The following QKI variants were observed in gnomAD, a reference collection of about 807,000 sequenced individuals.
The protein encoded by QKI is QKI, KH domain containing RNA binding.
Under a neutral mutation model 39.0 loss-of-function variants are expected in QKI, and 10 were observed. That is an observed-to-expected ratio of 0.26 (90% CI 0.16 to 0.43). The LOEUF (loss-of-function observed/expected upper bound fraction) is 0.43. Among genes scored for constraint, QKI ranks in the 20% least tolerant of loss-of-function variants. The pLI, the probability that QKI is intolerant of heterozygous loss-of-function variation, is 1.00. For missense variants in QKI, 218 were observed against 428.0 expected, an observed-to-expected ratio of 0.51 and a Z score of 4.33; for synonymous variants, 204 against 155.4, an observed-to-expected ratio of 1.31 and a Z score of -2.33.
At chr6:163,480,847 A>T (rs916270880) in intron 3 of QKI, among the ~76,000 whole-genome samples, 4 of 152,226 alleles carry the variant, frequency 2.6e-5, no homozygotes, top group Non-Finnish European at 5.9e-5. Flanking sequence ...ATAAATCTGT[A>T]TGAAAAGATT....
At chr6:163,497,849 C>G (rs1264813431) in intron 3 of QKI, among the ~76,000 whole-genome samples, 2 of 152,042 alleles carry the variant, frequency 1.3e-5, no homozygotes, top group Non-Finnish European at 2.9e-5. Flanking sequence ...TGAAAACTTA[C>G]ATAGTCACCT....
chr6:163,556,516 A>AC (rs1307199641), intron 4 of QKI, among the ~76,000 whole-genome samples: 39 of 151,506 alleles, frequency 2.6e-4, no homozygotes, highest in African/African-American at 8.9e-4. Context: ...AAAAAAAAAA[A>AC]AAAAAAAACA....
intron 2 of QKI, among the ~76,000 whole-genome samples, 167 bp downstream of exon 2, chr6:163,455,588 A>G (rs1157378845): frequency 2.0e-5 from 3 of 152,216 alleles, no homozygotes; most frequent in Non-Finnish European, 4.4e-5. Flanking sequence ...TTCTCTCTAA[A>G]TATGTTTGCA....
chr6:163,526,030 A>G (rs1039398671), intron 3 of QKI, among the ~76,000 whole-genome samples: 1 of 152,218 alleles, frequency 6.6e-6, no homozygotes, highest in Non-Finnish European at 1.5e-5. Flanking sequence ...TCTAAGGAGC[A>G]CTTATTAGAA....
intron 1 of QKI, among the ~76,000 whole-genome samples, chr6:163,423,758 C>A (rs1562417871): frequency 2.6e-5 from 4 of 152,314 alleles, no homozygotes; most frequent in Admixed American, 2.6e-4. Flanking sequence ...TCATTCACTT[C>A]TTTGTAAGCA....
chr6:163,526,423 A>T (rs560460948), intron 3 of QKI, among the ~76,000 whole-genome samples: 1 of 152,322 alleles, frequency 6.6e-6, no homozygotes, highest in Admixed American at 6.5e-5. Flanking sequence ...ACAAAATCTC[A>T]CATATGAATT....
intron 4 of QKI, among the ~76,000 whole-genome samples, chr6:163,551,231 G>A (rs770166004): frequency 6.6e-5 from 10 of 152,166 alleles, no homozygotes; most frequent in Non-Finnish European, 1.2e-4. Context: ...CCAGCAGCCA[G>A]TCAGTTCTGA....
At chr6:163,447,911 A>G (rs1790272279) in intron 1 of QKI, among the ~76,000 whole-genome samples, 2 of 152,192 alleles carry the variant, frequency 1.3e-5, no homozygotes, top group South Asian at 4.1e-4. Flanking sequence ...CATGAAAGCG[A>G]AATAGTCCTC....
In QKI at chr6:163,415,105, G is replaced by GCCCGCGGCCGGGGCTCGCC. The variant is rs1787318992; in HGVS notation, c.-83_-65dup. The GCCCGCGGCCGGGGCTCGCC allele has an allele frequency of 1.7e-5, 18 of 1,048,872 alleles. No homozygotes were observed. The highest frequency in any genetic ancestry group is 2.1e-5 in the Non-Finnish European group (18 of 868,766). The allele number at this position is 1,048,872 out of a possible 1,614,324, so 65.0% of individuals were successfully genotyped here. A position where few individuals can be genotyped will look rare whatever the true frequency, so the allele number is the denominator to read the frequency against. On this transcript the variant is annotated 5_prime_UTR_variant, in exon 1 of 8. Coordinates refer to ENST00000361752, the MANE Select transcript of QKI (RefSeq NM_006775.3). ...GGAGCGGGACGCCGGGTCCCGAGCG[G>GCCCGCGGCCGGGGCTCGCC]CCCGCGGCCGGGGCTCGCCCCCGCC...
chr6:163,465,553 C>A (rs1791672427), intron 2 of QKI, among the ~76,000 whole-genome samples: 1 of 148,374 alleles, frequency 6.7e-6, no homozygotes, highest in Non-Finnish European at 1.5e-5. Flanking sequence ...CACTTGAGCC[C>A]AAGAGGTGGA....
intron 4 of QKI, among the ~76,000 whole-genome samples, chr6:163,543,152 A>G (rs1781649389): frequency 1.3e-5 from 2 of 152,080 alleles, no homozygotes. Flanking sequence ...TGGTAATTTT[A>G]TCTTTGATTT....
At chr6:163,461,955 A>G (rs1468183553) in intron 2 of QKI, among the ~76,000 whole-genome samples, 2 of 152,148 alleles carry the variant, frequency 1.3e-5, no homozygotes, top group African/African-American at 2.4e-5. Flanking sequence ...AGTTAATGAG[A>G]CTATGTTTTC....
At chr6:163,484,792 A>G (rs1452079683) in intron 3 of QKI, among the ~76,000 whole-genome samples, 2 of 152,206 alleles carry the variant, frequency 1.3e-5, no homozygotes, top group Non-Finnish European at 2.9e-5. Flanking sequence ...TACTATCTAC[A>G]GGTCACTATG....
intron 1 of QKI, among the ~76,000 whole-genome samples, chr6:163,420,303 C>T (rs1006976420): frequency 5.3e-5 from 8 of 151,058 alleles, no homozygotes; most frequent in African/African-American, 1.5e-4. Flanking sequence ...TTGAGAAATT[C>T]GGTGTAGCTA....
At chr6:163,518,946 T>C (rs1184272557) in intron 3 of QKI, among the ~76,000 whole-genome samples, 1 of 152,228 alleles carries the variant, frequency 6.6e-6, no homozygotes, top group African/African-American at 2.4e-5. Context: ...TTCCAAAATG[T>C]AAATAGGTAT....
chr6:163,520,799 T>C (rs1224982064), intron 3 of QKI, among the ~76,000 whole-genome samples: 1 of 152,246 alleles, frequency 6.6e-6, no homozygotes, highest in East Asian at 1.9e-4. Flanking sequence ...TATACTCTGC[T>C]GCATTAACTA....
intron 3 of QKI, among the ~76,000 whole-genome samples, chr6:163,524,095 T>C (rs536990088): frequency 1.1e-3 from 172 of 152,308 alleles, no homozygotes; most frequent in African/African-American, 4.0e-3. Context: ...GACATACTAA[T>C]AGTCACGGTT....
At chr6:163,547,046 T>C (rs1781926551) in intron 4 of QKI, among the ~76,000 whole-genome samples, 1 of 152,156 alleles carries the variant, frequency 6.6e-6, no homozygotes, top group Non-Finnish European at 1.5e-5. Context: ...TTAGTAACCT[T>C]CTTTGTAGAA....
Position 163,485,667 on chromosome 6 carries a change from T to C in QKI, c.402+6771T>C, listed in dbSNP as rs73784421. On this transcript the variant is annotated intron_variant, in intron 3 of 7. Transcript: ENST00000361752. ...CTGTCCTTCCTTCTCTCCCATTGTG[T>C]TGATGGGTGAAATGTATGCAGTTTA... is the stretch of plus-strand genomic sequence containing the variant. Among the ~76,000 whole-genome samples the C allele has an allele frequency of 3.4e-3, 518 of 152,320 alleles. 4 individuals are homozygous for C. The highest frequency in any genetic ancestry group is 0.012 in the African/African-American group (488 of 41,564).
Sources: gnomAD v4.1 joint callset for allele counts (sites outside exome capture counted in the v4.1 genomes callset) on GRCh38, gnomAD v4.1.1 for gene constraint, MANE v1.5 for transcripts, NCBI Gene and HGNC (gene_info 2026-07-23, HGNC 2026-07-21) for gene names.